Variants in ARHGEF10L observed in about 807,000 individuals in gnomAD.
ARHGEF10L encodes the protein rho guanine nucleotide exchange factor 10-like protein.
ARHGEF10L carries 69 observed loss-of-function variants against 141.2 expected under a neutral mutation model. The observed-to-expected ratio is 0.49, with a 90% confidence interval of 0.40 to 0.60. ARHGEF10L has a LOEUF of 0.60. Ranked by LOEUF, ARHGEF10L falls within the 20% of genes least tolerant of loss-of-function variation. The pLI is 0.00. For missense variants in ARHGEF10L, 1,482 were observed against 1,734.3 expected (o/e 0.85, Z 2.58); for synonymous variants, 711 against 718.5 (o/e 0.99, Z 0.17).
chr1:17,608,039 G>T, intron 7 of ARHGEF10L, 62 bp downstream of exon 7: 2 of 1,301,534 alleles, frequency 1.5e-6, no homozygotes, highest in East Asian at 3.1e-5. Flanking sequence ...CAGGGAGGGA[G>T]GGAGGGAGGG....
At chr1:17,680,238 C>T (rs1383561236) in intron 26 of ARHGEF10L, among the ~76,000 whole-genome samples, 1 of 152,208 alleles carries the variant, frequency 6.6e-6, no homozygotes, top group East Asian at 1.9e-4. Context: ...AAAGTAGAAG[C>T]CCCACCAGCA....
intron 1 of ARHGEF10L, among the ~76,000 whole-genome samples, chr1:17,542,110 G>A (rs1570355335): frequency 1.3e-5 from 2 of 152,016 alleles, no homozygotes; most frequent in South Asian, 2.1e-4. Flanking sequence ...CTGCACTCCA[G>A]CCTGGGTAAC....
intron 27 of ARHGEF10L, among the ~76,000 whole-genome samples, chr1:17,693,780 GGACCAGAAGCAGCAGAAAGTGGAAAC>G (rs2065279323): frequency 6.6e-6 from 1 of 152,206 alleles, no homozygotes; most frequent in Non-Finnish European, 1.5e-5. Flanking sequence ...TGTGATCCAT[GGACCAGAAGCAGCAGAAAGTGGAAAC>G]CTTCTGGAAT....
At chr1:17,635,200 T>G (rs2101739457) in intron 18 of ARHGEF10L, among the ~76,000 whole-genome samples, 184 bp downstream of exon 18, 1 of 152,274 alleles carries the variant, frequency 6.6e-6, no homozygotes, top group East Asian at 1.9e-4. Flanking sequence ...AGCCATGGCC[T>G]CACCTGGGTG....
At chr1:17,572,827 C>T (rs1397417174) in intron 1 of ARHGEF10L, among the ~76,000 whole-genome samples, 3 of 152,152 alleles carry the variant, frequency 2.0e-5, no homozygotes, top group African/African-American at 4.8e-5. Context: ...GTGAGCCTGA[C>T]CCCTGGAGGT....
Position 17,673,430 on chromosome 1 carries a change from G to A in ARHGEF10L, c.3009+8835G>A, listed in dbSNP as rs867561634. ...CAAATAGAGCCATGGACATGGATCCGCTGAATGTCAGCTGCTAGGCTGAGG... is the reference window on the plus strand; with the variant it reads ...CAAATAGAGCCATGGACATGGATCCACTGAATGTCAGCTGCTAGGCTGAGG... On this transcript the variant is annotated intron_variant, in intron 26 of 28. Coordinates refer to ENST00000361221, the MANE Select transcript of ARHGEF10L (RefSeq NM_018125.4). The surrounding 1 kb of genome is among the most constrained non-coding windows in gnomAD (Gnocchi z 4.1). 2.0e-5 allele frequency among the ~76,000 whole-genome samples: 3 copies of A among 152,304 alleles called. No individual in the cohort carries two copies. The highest frequency in any genetic ancestry group is 3.4e-3 in the Middle Eastern group (1 of 294).
intron 25 of ARHGEF10L, among the ~76,000 whole-genome samples, chr1:17,658,417 C>T (rs145379170): frequency 8.0e-4 from 121 of 152,174 alleles, no homozygotes; most frequent in African/African-American, 2.8e-3. Context: ...ACCATTGAAC[C>T]CCACGCCCTC....
intron 26 of ARHGEF10L, among the ~76,000 whole-genome samples, chr1:17,672,339 A>G (rs1467761067): frequency 3.3e-5 from 5 of 152,070 alleles, no homozygotes; most frequent in African/African-American, 9.7e-5. Context: ...TCTGTCTCCT[A>G]TCTTATTTAT....
chr1:17,616,879 G>A (rs566113446), intron 9 of ARHGEF10L, among the ~76,000 whole-genome samples: 5 of 152,340 alleles, frequency 3.3e-5, no homozygotes, highest in Admixed American at 1.3e-4. Flanking sequence ...GGGAAAGTAC[G>A]AGATGTTCCA....
At position 17,656,816 on chromosome 1, in the gene ARHGEF10L, A is replaced by G. The variant is rs564896509; in HGVS notation, c.2860+108A>G. The G allele has an allele frequency of 8.8e-5, 122 of 1,381,576 alleles. 1 individual carries two copies. Among genetic ancestry groups the G allele is most frequent in the Non-Finnish European group, 1.2e-5 (12 of 1,024,840 alleles). The allele number at this position is 1,381,576 out of a possible 1,614,324, so 85.6% of individuals were successfully genotyped here. A position where few individuals can be genotyped will look rare whatever the true frequency, so the allele number is the denominator to read the frequency against. On this transcript the variant is annotated intron_variant, in intron 25 of 28. Coordinates refer to ENST00000361221, the MANE Select transcript of ARHGEF10L (RefSeq NM_018125.4). The surrounding 1 kb of genome is among the most constrained non-coding windows in gnomAD (Gnocchi z 4.9). ...GAGGCTGGGCAGGAATGAATTGGGA[A>G]ATCTCAGTGCTGAGGGCATTTGGAG...
chr1:17,602,139 G>T lies in ARHGEF10L; in HGVS notation c.270G>T (p.Trp90Cys). 1.3e-6 allele frequency: 2 copies of T among 1,573,070 alleles called. No individual in the cohort carries two copies. The highest frequency in any genetic ancestry group is 1.7e-6 in the Non-Finnish European group (2 of 1,159,064). Residue 90 changes from tryptophan (W) to cysteine (C), a missense_variant, in exon 5 of 29, where the codon TGG becomes TGT. By Grantham distance (215) the Trp-to-Cys change is radical. Coordinates refer to ENST00000361221, the MANE Select transcript of ARHGEF10L (RefSeq NM_018125.4). ...CTCTTGCCCGCAGGGTGCCAGCCTGGGTGAGCAATGGGGATGCAGCGGACG... is the reference window on the plus strand; with the variant it reads ...CTCTTGCCCGCAGGGTGCCAGCCTGTGTGAGCAATGGGGATGCAGCGGACG... Reference protein sequence around the residue: ...AAPPGTGVPAWVSNGDAADAA... With the variant: ...AAPPGTGVPACVSNGDAADAA...
At chr1:17,587,229 C>A (rs531278768) in intron 2 of ARHGEF10L, among the ~76,000 whole-genome samples, 230 of 152,312 alleles carry the variant, frequency 1.5e-3, no homozygotes, top group Non-Finnish European at 2.7e-3. Flanking sequence ...GCCCTGGGAG[C>A]ACACTCCCTT....
At chr1:17,518,293 C>A in the ARHGEF10L span, among the ~76,000 whole-genome samples, 1 of 152,164 alleles carries the variant, frequency 6.6e-6, no homozygotes, top group Non-Finnish European at 1.5e-5. Flanking sequence ...ATTCACACAT[C>A]TGTGTGCAGA....
At chr1:17,572,813 G>A (rs554858084) in intron 1 of ARHGEF10L, among the ~76,000 whole-genome samples, 1 of 152,302 alleles carries the variant, frequency 6.6e-6, no homozygotes, top group South Asian at 2.1e-4. Context: ...GAAAGGTGGA[G>A]GAGGTGAGCC....
upstream of ARHGEF10L, among the ~76,000 whole-genome samples, chr1:17,535,317 G>A (rs2076559210): frequency 6.6e-6 from 1 of 152,194 alleles, no homozygotes; most frequent in Non-Finnish European, 1.5e-5. Flanking sequence ...TGTGAGTGAT[G>A]GGCATGGCTA....
At chr1:17,570,571 C>G (rs1051790981) in intron 1 of ARHGEF10L, among the ~76,000 whole-genome samples, 1 of 151,880 alleles carries the variant, frequency 6.6e-6, no homozygotes, top group African/African-American at 2.4e-5. Flanking sequence ...CGTGGGGCCT[C>G]AGAGATCAAG....
intron 1 of ARHGEF10L, among the ~76,000 whole-genome samples, chr1:17,563,258 AG>A (rs1452428730): frequency 1.3e-5 from 2 of 148,994 alleles, no homozygotes; most frequent in African/African-American, 2.5e-5. Flanking sequence ...TTTTTGAGAC[AG>A]GGTCTCGTTC....
chr1:17,691,074 G>A, intron 27 of ARHGEF10L: 1 of 452,838 alleles, frequency 2.2e-6, no homozygotes, highest in South Asian at 1.6e-5. Context: ...TACTCGACTG[G>A]TATTAATGCA....
At chr1:17,677,000 G>C (rs1456032736) in intron 26 of ARHGEF10L, among the ~76,000 whole-genome samples, 1 of 151,896 alleles carries the variant, frequency 6.6e-6, no homozygotes, top group Non-Finnish European at 1.5e-5. Context: ...CCGTAAACAG[G>C]ACTCTGGGCA....
Sources: allele counts gnomAD v4.1 joint callset (sites outside exome capture counted in the v4.1 genomes callset), GRCh38; gene constraint gnomAD v4.1.1; non-coding constraint Gnocchi (gnomAD v3.1); transcripts MANE v1.5; gene names NCBI Gene and HGNC (gene_info 2026-07-23, HGNC 2026-07-21).